Variants in DMD observed in about 807,000 individuals in gnomAD.
DMD encodes dystrophin, also known as mutant dystrophin.
In DMD, 63 loss-of-function variants were observed where a neutral mutation model predicts 330.1. The observed-to-expected ratio is 0.19, with a 90% CI of 0.16 to 0.24. DMD has a LOEUF of 0.24. DMD is among the 10% of genes least tolerant of loss of function. DMD has a pLI of 1.00. For synonymous variants in DMD, 1,223 were observed against 959.8 expected, an observed-to-expected ratio of 1.27 and a Z score of -5.07; for missense variants, 3,344 against 2,684.1, an observed-to-expected ratio of 1.25 and a Z score of -5.43.
intron 7 of DMD, among the ~76,000 whole-genome samples, chrX:32,768,200 T>C (rs2073215141): frequency 8.9e-6 from 1 of 112,131 alleles, no homozygotes; most frequent in Non-Finnish European, 1.9e-5. Flanking sequence ...GCAAACACTG[T>C]CTACTATGGC....
intron 7 of DMD, among the ~76,000 whole-genome samples, chrX:32,737,020 C>A (rs1236398514): frequency 1.8e-5 from 2 of 110,798 alleles, no homozygotes; most frequent in Non-Finnish European, 3.8e-5. Context: ...TAAAAAATTT[C>A]TTTAAAATAT....
rs188431892 is a variant in DMD, at chrX:33,209,422, A to G, written c.31+1860T>C. 5.0e-3 allele frequency among the ~76,000 whole-genome samples: 556 copies of G among 111,760 alleles called. 3 individuals carry two copies. The highest frequency in any genetic ancestry group is 8.1e-3 in the Non-Finnish European group (428 of 52,880). On this transcript the variant is annotated intron_variant, in intron 1 of 78. Coordinates refer to ENST00000357033, the MANE Select transcript of DMD (RefSeq NM_004006.3). ...ATGAAATGTCTATTTGCAGTACACTATTTGAATAATTCTTTACAATGCATT... is the reference window on the plus strand; with the variant it reads ...ATGAAATGTCTATTTGCAGTACACTGTTTGAATAATTCTTTACAATGCATT...
chrX:31,402,772 T>C (rs999992416), intron 60 of DMD, among the ~76,000 whole-genome samples: 6 of 112,027 alleles, frequency 5.4e-5, no homozygotes, highest in Admixed American at 4.8e-4. Context: ...CTAGTGTCCA[T>C]TATCAAATGG....
intron 30 of DMD, among the ~76,000 whole-genome samples, chrX:32,406,862 C>G (rs1340169107): frequency 9.0e-6 from 1 of 111,150 alleles, no homozygotes; most frequent in Non-Finnish European, 1.9e-5. Flanking sequence ...CTCACAAAAA[C>G]AAGAAATGGG....
intron 55 of DMD, among the ~76,000 whole-genome samples, chrX:31,573,447 G>A (rs2075928176): frequency 9.0e-6 from 1 of 111,070 alleles, no homozygotes; most frequent in African/African-American, 3.3e-5. Flanking sequence ...TTCTACACTG[G>A]GATCTAGATT....
chrX:32,747,738 C>G (rs752401704), intron 7 of DMD, among the ~76,000 whole-genome samples: 6 of 110,776 alleles, frequency 5.4e-5, no homozygotes, highest in Non-Finnish European at 1.1e-4. Context: ...CTTGGCCTCC[C>G]AAAGTGCTGG....
At chrX:31,429,680 G>A (rs2063925386) in intron 60 of DMD, among the ~76,000 whole-genome samples, 1 of 111,189 alleles carries the variant, frequency 9.0e-6, no homozygotes, top group Admixed American at 9.6e-5. Context: ...TCAGTTTGTT[G>A]TACAGGAGCA....
intron 1 of DMD, among the ~76,000 whole-genome samples, chrX:33,226,291 T>C (rs2052288401): frequency 9.0e-6 from 1 of 111,467 alleles, no homozygotes; most frequent in South Asian, 3.7e-4. Context: ...GCTGTATTTG[T>C]AATAGGCAGA....
intron 44 of DMD, among the ~76,000 whole-genome samples, chrX:32,194,673 A>G (rs2096990890): frequency 8.9e-6 from 1 of 111,758 alleles, no homozygotes; most frequent in African/African-American, 3.3e-5. Flanking sequence ...GAGAAAAGGA[A>G]GAGCATTCTG....
At chrX:33,108,868 G>GGAAAAAAAAAAAAAAAAA (rs2095315156) in intron 1 of DMD, among the ~76,000 whole-genome samples, 3 of 24,229 alleles carry the variant, frequency 1.2e-4, no homozygotes, top group Non-Finnish European at 2.8e-4. Flanking sequence ...CTCCGTTTCG[G>GGAAAAAAAAAAAAAAAAA]AAAAAAAAAA....
intron 1 of DMD, among the ~76,000 whole-genome samples, chrX:33,322,416 A>G (rs942844236): frequency 1.8e-5 from 2 of 110,502 alleles, no homozygotes; most frequent in Admixed American, 2.0e-4. Context: ...TTGGTAGAGC[A>G]CTCAGAACAC....
intron 1 of DMD, among the ~76,000 whole-genome samples, chrX:33,259,644 G>A (rs747219288): frequency 1.2e-5 from 1 of 85,685 alleles, no homozygotes; most frequent in East Asian, 3.8e-4. Context: ...ACTTCTGGTC[G>A]CAAGCATTTC....
rs762937698 is a variant in DMD, at chrX:32,520,390, T to C, written c.2169-2259A>G. Among the ~76,000 whole-genome samples the C allele has an allele frequency of 6.2e-5, 7 of 112,333 alleles. No individual in the cohort carries two copies. The South Asian group carries it at 2.6e-3, about 41-fold the overall frequency. Reference sequence around the variant, plus strand: ...TTTATGCATATTTATCATCATAATGTCTTAAAACATTTTTATTTTTGCTTT... The same window carrying C: ...TTTATGCATATTTATCATCATAATGCCTTAAAACATTTTTATTTTTGCTTT... On this transcript the variant is annotated intron_variant, in intron 17 of 78. Transcript: ENST00000357033.
chrX:32,436,966 A>AT (rs1309009483), intron 29 of DMD, among the ~76,000 whole-genome samples: 8 of 110,156 alleles, frequency 7.3e-5, no homozygotes, highest in African/African-American at 2.6e-4. Flanking sequence ...AAAAAAAAAA[A>AT]TTTGAGTCTT....
At chrX:31,217,712 T>G (rs1325259394) in intron 64 of DMD, among the ~76,000 whole-genome samples, 1 of 111,972 alleles carries the variant, frequency 8.9e-6, no homozygotes, top group African/African-American at 3.2e-5. Flanking sequence ...AGGAGAAAAT[T>G]CTTAAATCAT....
At chrX:32,554,918 AAAG>A (rs2050091296) in intron 16 of DMD, among the ~76,000 whole-genome samples, 1 of 36,991 alleles carries the variant, frequency 2.7e-5, no homozygotes, top group Non-Finnish European at 4.9e-5. Context: ...AGAAAGAAAG[AAAG>A]AAAGAAAGAA....
At chrX:31,742,568 G>T (rs1475071963) in intron 51 of DMD, among the ~76,000 whole-genome samples, 1 of 111,643 alleles carries the variant, frequency 9.0e-6, no homozygotes, top group Non-Finnish European at 1.9e-5. Context: ...GATTAAGTTT[G>T]CCATCTTATG....
At chrX:33,264,797 C>T (rs1312315407) in intron 1 of DMD, among the ~76,000 whole-genome samples, 1 of 110,668 alleles carries the variant, frequency 9.0e-6, no homozygotes, top group African/African-American at 3.3e-5. Context: ...GAGCAGGTTA[C>T]AATTTCTTTA....
chrX:31,185,474 G>A lies in DMD; in HGVS notation c.9808-2570C>T, dbSNP rs113479437. On this transcript the variant is annotated intron_variant, in intron 67 of 78. Coordinates refer to ENST00000357033, the MANE Select transcript of DMD (RefSeq NM_004006.3). ...TGTCTGGGTATCCATTTCTCTTGCC[G>A]GTCTGCTGTAAACCCATACAGTTTT... Among the ~76,000 whole-genome samples, 620 of 111,543 alleles carry A rather than the reference G, an allele frequency of 5.6e-3. 6 individuals are homozygous for A. Among genetic ancestry groups the A allele is most frequent in the African/African-American group, 0.019 (578 of 30,639 alleles).
Sources: gnomAD v4.1 joint callset for allele counts (sites outside exome capture counted in the v4.1 genomes callset) on GRCh38, gnomAD v4.1.1 for gene constraint, MANE v1.5 for transcripts, NCBI Gene and HGNC (gene_info 2026-07-23, HGNC 2026-07-21) for gene names.